Variants in EPB41L4A observed in about 807,000 individuals in gnomAD.
EPB41L4A encodes erythrocyte membrane protein band 4.1 like 4A, also known as band 4.1-like protein 4A.
EPB41L4A carries 100 observed loss-of-function variants against 108.6 expected under a neutral mutation model. The observed-to-expected ratio is 0.92, with a 90% CI of 0.78 to 1.09. The LOEUF (loss-of-function observed/expected upper bound fraction) is 1.09, where lower values mean the gene tolerates loss of function less well. EPB41L4A is among the 50% of genes least tolerant of loss of function. The pLI is 0.00. For synonymous variants in EPB41L4A, 319 were observed against 289.0 expected (o/e 1.10, Z -1.05); for missense variants, 1,030 against 842.7 (o/e 1.22, Z -2.75).
intron 12 of EPB41L4A, among the ~76,000 whole-genome samples, chr5:112,233,958 C>T (rs1749142268): frequency 6.6e-6 from 1 of 151,844 alleles, no homozygotes; most frequent in Non-Finnish European, 1.5e-5. Context: ...CCTCCCAAAG[C>T]ACTGACATTA....
At chr5:112,210,973 A>C (rs1009639468) in intron 12 of EPB41L4A, among the ~76,000 whole-genome samples, 1 of 152,158 alleles carries the variant, frequency 6.6e-6, no homozygotes, top group Non-Finnish European at 1.5e-5. Flanking sequence ...ATGAGTTTGT[A>C]ACATTAATAA....
chr5:112,296,902 T>A (rs1296242256), intron 2 of EPB41L4A, among the ~76,000 whole-genome samples: 1 of 152,118 alleles, frequency 6.6e-6, no homozygotes, highest in Non-Finnish European at 1.5e-5. Context: ...AATAATAGTC[T>A]CCAATATCAT....
At chr5:112,343,346 T>A (rs534385950) in intron 1 of EPB41L4A, among the ~76,000 whole-genome samples, 2 of 152,326 alleles carry the variant, frequency 1.3e-5, no homozygotes, top group African/African-American at 4.8e-5. Flanking sequence ...GGATCCAGAC[T>A]GCCTGGGTTT....
At chr5:112,378,829 T>G (rs760211207) in intron 1 of EPB41L4A, among the ~76,000 whole-genome samples, 1 of 152,204 alleles carries the variant, frequency 6.6e-6, no homozygotes, top group Non-Finnish European at 1.5e-5. Flanking sequence ...CATGGGCTGT[T>G]TGAATGGCTG....
chr5:112,173,277 A>G (rs1002279826), intron 18 of EPB41L4A, among the ~76,000 whole-genome samples: 8 of 152,180 alleles, frequency 5.3e-5, no homozygotes, highest in African/African-American at 1.9e-4. Context: ...AGGGCATGCA[A>G]TTCAAAGCTG....
intron 15 of EPB41L4A, among the ~76,000 whole-genome samples, chr5:112,201,216 C>T (rs1040711479): frequency 7.2e-5 from 11 of 152,146 alleles, no homozygotes; most frequent in Non-Finnish European, 1.3e-4. Context: ...AACACACGTC[C>T]CCAAAAGAGA....
intron 2 of EPB41L4A, among the ~76,000 whole-genome samples, chr5:112,297,023 C>T (rs1754034451): frequency 6.6e-6 from 1 of 151,086 alleles, no homozygotes; most frequent in Non-Finnish European, 1.5e-5. Context: ...ACACACACCA[C>T]AGTTTATCCA....
chr5:112,337,820 G>A (rs182223315), intron 1 of EPB41L4A, among the ~76,000 whole-genome samples: 48 of 152,260 alleles, frequency 3.2e-4, no homozygotes, highest in Non-Finnish European at 2.9e-4. Context: ...AATATGAGTG[G>A]TCAGGGCAGG....
rs1278653616 is a variant in EPB41L4A, at chr5:112,143,043, T to A, written n.1950A>T. ...CTGCTGGAGAGGCAATATCCACTCTTGTGTGCCCAGGTGACCAAACTCTAC... is the reference window on the plus strand; with the variant it reads ...CTGCTGGAGAGGCAATATCCACTCTAGTGTGCCCAGGTGACCAAACTCTAC... On this transcript the variant is annotated non_coding_transcript_exon_variant, in exon 14 of 14. Transcript: ENST00000507810. The A allele has an allele frequency of 4.6e-5, 7 of 152,124 alleles. 1 individual carries two copies. The highest frequency in any genetic ancestry group is 1.5e-5 in the Non-Finnish European group (1 of 68,038). The allele number at this position is 152,124 out of a possible 1,614,324, so 9.4% of individuals were successfully genotyped here.
At chr5:112,245,214 C>G (rs1750117715) in intron 9 of EPB41L4A, among the ~76,000 whole-genome samples, 1 of 151,922 alleles carries the variant, frequency 6.6e-6, no homozygotes, top group Admixed American at 6.6e-5. Flanking sequence ...AATGCTAACA[C>G]AATAAACCAC....
At chr5:112,251,699 A>G (rs1459739951) in intron 9 of EPB41L4A, among the ~76,000 whole-genome samples, 2 of 152,198 alleles carry the variant, frequency 1.3e-5, no homozygotes, top group Non-Finnish European at 2.9e-5. Flanking sequence ...GTTTTTGAGT[A>G]ATTTTGATTT....
In EPB41L4A at chr5:112,164,250, A is replaced by G. The variant is rs1420563567; in HGVS notation, c.*740T>C. The G allele has an allele frequency of 1.3e-5, 2 of 152,264 alleles. No individual in the cohort carries two copies. Among genetic ancestry groups the G allele is most frequent in the African/African-American group, 4.8e-5 (2 of 41,478 alleles). The allele number at this position is 152,264 out of a possible 1,614,324, so 9.4% of individuals were successfully genotyped here. On this transcript the variant is annotated 3_prime_UTR_variant, in exon 23 of 23. Coordinates refer to ENST00000261486, the MANE Select transcript of EPB41L4A (RefSeq NM_022140.5). ...AATAAAGTATTATAAAGAACTTTAT[A>G]TGAATAAAAATATATGCAGTCTGAA...
At chr5:112,363,200 G>A (rs570996518) in intron 1 of EPB41L4A, among the ~76,000 whole-genome samples, 19 of 151,858 alleles carry the variant, frequency 1.3e-4, no homozygotes, top group African/African-American at 4.6e-4. Flanking sequence ...TCTGCAGCTG[G>A]GTAATAAGAG....
At chr5:112,406,699 A>G (rs1479566145) in intron 1 of EPB41L4A, among the ~76,000 whole-genome samples, 2 of 152,108 alleles carry the variant, frequency 1.3e-5, no homozygotes, top group Non-Finnish European at 2.9e-5. Flanking sequence ...TGAAATCTAC[A>G]TGATGTTCGG....
chr5:112,225,399 C>T (rs1165222587), intron 12 of EPB41L4A, among the ~76,000 whole-genome samples: 1 of 152,122 alleles, frequency 6.6e-6, no homozygotes, highest in Non-Finnish European at 1.5e-5. Context: ...TTATATTGCT[C>T]TTTCTCTGTA....
At chr5:112,336,646 AAGTT>A (rs1160893190) in intron 1 of EPB41L4A, among the ~76,000 whole-genome samples, 3 of 152,156 alleles carry the variant, frequency 2.0e-5, no homozygotes, top group African/African-American at 7.2e-5. Flanking sequence ...CAAAACCAAA[AAGTT>A]AGTCAGGGTG....
In EPB41L4A at chr5:112,352,278, A is replaced by G. The variant is rs577861893; in HGVS notation, c.100-44788T>C. 2.6e-5 allele frequency among the ~76,000 whole-genome samples: 4 copies of G among 152,322 alleles called. No individual in the cohort carries two copies. The East Asian group carries it at 5.8e-4, about 22-fold the overall frequency. On this transcript the variant is annotated intron_variant, in intron 1 of 22. Coordinates refer to ENST00000261486, the MANE Select transcript of EPB41L4A (RefSeq NM_022140.5). ...GTTTATTGCTATAAGCTTCCCTCTT[A>G]GCACTGCTTTTGCTGTACCCATAGG...
At position 112,406,159 on chromosome 5, in the gene EPB41L4A, T is replaced by C. The variant is rs546237296; in HGVS notation, c.99+12782A>G. On this transcript the variant is annotated intron_variant, in intron 1 of 22. Coordinates refer to ENST00000261486, the MANE Select transcript of EPB41L4A (RefSeq NM_022140.5). ...AATTTGCACATCCTCCAAGCGCCCT[T>C]GTAAACAGCAGCAGAAGCACAAAAT... 3.3e-4 allele frequency among the ~76,000 whole-genome samples: 51 copies of C among 152,302 alleles called. No individual in the cohort carries two copies. The South Asian group carries it at 9.7e-3, about 29-fold the overall frequency.
Position 112,199,723 on chromosome 5 carries a change from G to A in EPB41L4A, c.1377-4015C>T, listed in dbSNP as rs1042065238. 5.3e-5 allele frequency among the ~76,000 whole-genome samples: 8 copies of A among 152,144 alleles called. No homozygotes were observed. The East Asian group carries it at 9.7e-4, about 18-fold the overall frequency. On this transcript the variant is annotated intron_variant, in intron 15 of 22. Coordinates refer to ENST00000261486, the MANE Select transcript of EPB41L4A (RefSeq NM_022140.5). The stretch of plus-strand genomic sequence containing the variant: ...TGATTCTACTTCTACGCAACACATC[G>A]AATTCAAAAAACTGAACAAGCCTGG...
Sources: allele counts gnomAD v4.1 joint callset (sites outside exome capture counted in the v4.1 genomes callset), GRCh38; gene constraint gnomAD v4.1.1; transcripts MANE v1.5; gene names NCBI Gene and HGNC (gene_info 2026-07-23, HGNC 2026-07-21).